The following LRP1B variants were observed in gnomAD, a reference collection of about 807,000 sequenced individuals.
LRP1B encodes LDL receptor related protein 1B, also known as low-density lipoprotein receptor-related protein 1B.
LRP1B carries 217 observed loss-of-function variants against 556.6 expected under a neutral mutation model. The observed-to-expected ratio is 0.39, with a 90% CI of 0.35 to 0.44. The LOEUF (loss-of-function observed/expected upper bound fraction) is 0.44. LRP1B is among the 20% of genes least tolerant of loss of function. The pLI, the probability that LRP1B is intolerant of heterozygous loss-of-function variation, is 1.00. For synonymous variants in LRP1B, 2,047 were observed against 1,865.8 expected (o/e 1.10, Z -2.50); for missense variants, 5,053 against 5,620.8 (o/e 0.90, Z 3.23).
chr2:140,733,719 G>C (rs1336152733), intron 35 of LRP1B, among the ~76,000 whole-genome samples: 1 of 152,098 alleles, frequency 6.6e-6, no homozygotes, highest in Non-Finnish European at 1.5e-5. Flanking sequence ...TAGGCGGGCA[G>C]GAATAGGAGG....
At chr2:142,011,651 C>G (rs1702963510) in intron 1 of LRP1B, among the ~76,000 whole-genome samples, 1 of 152,106 alleles carries the variant, frequency 6.6e-6, no homozygotes, top group South Asian at 2.1e-4. Context: ...GTAATCAATA[C>G]TTTTAACCTA....
At chr2:142,117,334 A>T (rs1361158293) in intron 1 of LRP1B, among the ~76,000 whole-genome samples, 18 of 152,302 alleles carry the variant, frequency 1.2e-4, no homozygotes, top group Non-Finnish European at 2.2e-4. Context: ...ATGTGAAGAC[A>T]GAAATGCAGG....
intron 2 of LRP1B, among the ~76,000 whole-genome samples, chr2:141,570,551 C>T (rs909120590): frequency 6.6e-6 from 1 of 150,646 alleles, no homozygotes; most frequent in Admixed American, 6.6e-5. Context: ...GTGACCAGCA[C>T]TGGCTGGAGC....
intron 7 of LRP1B, among the ~76,000 whole-genome samples, chr2:141,139,217 A>G (rs985165804): frequency 3.3e-5 from 5 of 151,932 alleles, no homozygotes; most frequent in African/African-American, 1.2e-4. Flanking sequence ...CTAAAAAAAG[A>G]TGAATCATAA....
chr2:140,547,859 C>A (rs941499118), intron 43 of LRP1B, among the ~76,000 whole-genome samples: 14 of 151,166 alleles, frequency 9.3e-5, no homozygotes, highest in Non-Finnish European at 2.1e-4. Context: ...AATTAAATAG[C>A]CTAAATATAA....
At chr2:140,322,141 T>TCAAAAGCATAAAATTAA (rs1381702755) in intron 81 of LRP1B, 53 bp from the exon 82 acceptor site, 2 of 1,521,720 alleles carry the variant, frequency 1.3e-6, no homozygotes, top group Non-Finnish European at 8.9e-7. Flanking sequence ...ACAATAGGCT[T>TCAAAAGCATAAAATTAA]CAAAAGCATA....
chr2:141,171,673 G>A (rs1433003883), intron 7 of LRP1B, among the ~76,000 whole-genome samples: 1 of 152,082 alleles, frequency 6.6e-6, no homozygotes, highest in Non-Finnish European at 1.5e-5. Context: ...TGGTGTAGCA[G>A]CGTAAGAGTG....
At chr2:141,360,873 A>G (rs1688802144) in intron 3 of LRP1B, among the ~76,000 whole-genome samples, 3 of 152,230 alleles carry the variant, frequency 2.0e-5, no homozygotes, top group Admixed American at 2.0e-4. Context: ...TATATAGCAC[A>G]TTATTTAAAT....
chr2:141,865,455 A>G (rs953578274), intron 1 of LRP1B, among the ~76,000 whole-genome samples: 17 of 149,748 alleles, frequency 1.1e-4, no homozygotes, highest in African/African-American at 2.7e-4. Context: ...AGCCGGGCGT[A>G]GTGGCGGGCG....
In LRP1B at chr2:140,315,077, A is replaced by G; in HGVS notation, c.12663T>C (p.Cys4221=). ...TTAAAATGCATCTTCCTCCATTTTCACAAGTTAACTTACATGAATCATCTG... is the reference window on the plus strand; with the variant it reads ...TTAAAATGCATCTTCCTCCATTTTCGCAAGTTAACTTACATGAATCATCTG... The part of the protein sequence containing the change: ...SLLDDSCKLT[C]ENGGRCILNE... Residue 4221 remains cysteine, a synonymous_variant, in exon 83 of 91, where the codon TGT becomes TGC. Transcript: ENST00000389484. 1 of 1,609,154 alleles carries G rather than the reference A, an allele frequency of 6.2e-7. No homozygotes were observed. The highest frequency in any genetic ancestry group is 8.5e-7 in the Non-Finnish European group (1 of 1,177,438).
At chr2:141,130,711 A>G (rs1028818039) in intron 7 of LRP1B, among the ~76,000 whole-genome samples, 7 of 152,174 alleles carry the variant, frequency 4.6e-5, no homozygotes, top group African/African-American at 1.4e-4. Flanking sequence ...AAATAGTAGT[A>G]CACAATGGTT....
intron 3 of LRP1B, among the ~76,000 whole-genome samples, chr2:141,367,141 T>C (rs551914557): frequency 6.6e-6 from 1 of 152,334 alleles, no homozygotes; most frequent in South Asian, 2.1e-4. Context: ...AAGGCTACTA[T>C]TGGGGACAAA....
intron 1 of LRP1B, among the ~76,000 whole-genome samples, chr2:141,917,339 A>G (rs1350010952): frequency 6.6e-6 from 1 of 152,130 alleles, no homozygotes; most frequent in Non-Finnish European, 1.5e-5. Context: ...CCAAACATGG[A>G]TGTGGTGTAT....
At chr2:140,314,322 G>C (rs950133882) in intron 83 of LRP1B, among the ~76,000 whole-genome samples, 3 of 152,108 alleles carry the variant, frequency 2.0e-5, no homozygotes, top group Middle Eastern at 3.4e-3. Flanking sequence ...ATACAAGTCA[G>C]TAGAAGAATA....
intron 32 of LRP1B, among the ~76,000 whole-genome samples, chr2:140,812,565 C>T (rs1335755017): frequency 6.6e-6 from 1 of 151,252 alleles, no homozygotes. Context: ...AACATATACT[C>T]ATGAAAATTC....
intron 35 of LRP1B, among the ~76,000 whole-genome samples, chr2:140,749,032 A>G (rs1204244848): frequency 1.3e-5 from 2 of 151,640 alleles, no homozygotes; most frequent in Admixed American, 6.6e-5. Context: ...AAACCTGTAC[A>G]GCATGTTATT....
At chr2:140,574,332 G>T (rs1048558567) in intron 43 of LRP1B, among the ~76,000 whole-genome samples, 5 of 152,092 alleles carry the variant, frequency 3.3e-5, no homozygotes, top group Non-Finnish European at 7.4e-5. Flanking sequence ...AATTGTTCTT[G>T]TATTTTGGTT....
chr2:142,097,419 CAA>C (rs11355539), intron 1 of LRP1B, among the ~76,000 whole-genome samples: 1 of 151,360 alleles, frequency 6.6e-6, no homozygotes, highest in Non-Finnish European at 1.5e-5. Flanking sequence ...AATACATGTG[CAA>C]AAAAAAGAAG....
chr2:141,412,904 T>C (rs1485828049), intron 3 of LRP1B, among the ~76,000 whole-genome samples: 3 of 152,060 alleles, frequency 2.0e-5, no homozygotes, highest in Non-Finnish European at 4.4e-5. Flanking sequence ...AGTTACCTTA[T>C]ATGACAAAGA....
Sources: gnomAD v4.1 joint callset for allele counts (sites outside exome capture counted in the v4.1 genomes callset) on GRCh38, gnomAD v4.1.1 for gene constraint, MANE v1.5 for transcripts, NCBI Gene and HGNC (gene_info 2026-07-23, HGNC 2026-07-21) for gene names.